Variants in PLCH1 observed in about 807,000 individuals in gnomAD.
The protein encoded by PLCH1 is phospholipase C eta 1.
Under a neutral mutation model 126.7 loss-of-function variants are expected in PLCH1, and 60 were observed. That is an observed-to-expected ratio of 0.47 (90% CI 0.38 to 0.59). PLCH1 has a LOEUF of 0.59. Ranked by LOEUF, PLCH1 falls within the 20% of genes least tolerant of loss-of-function variation. PLCH1 has a pLI of 0.00. For synonymous variants in PLCH1, 719 were observed against 734.9 expected (o/e 0.98, Z 0.35); for missense variants, 1,723 against 2,040.0 (o/e 0.84, Z 2.99).
intron 22 of PLCH1, among the ~76,000 whole-genome samples, chr3:155,483,842 G>A (rs953166439): frequency 3.9e-5 from 6 of 152,118 alleles, no homozygotes; most frequent in Admixed American, 1.3e-4. Context: ...TGCTAGGAGA[G>A]TATGAGGTAT....
chr3:155,482,850 G>A lies in PLCH1; in HGVS notation c.3176C>T (p.Thr1059Ile), dbSNP rs1642116861. The change falls in exon 23 of 23, where the codon ACA (threonine) becomes ATA (isoleucine). Residue 1059 changes from threonine (T) to isoleucine (I), a missense_variant. Transcript: ENST00000460012. ...GMSSPRGGRTTSNATSNCQEN... is the reference protein window; with the variant it reads ...GMSSPRGGRTISNATSNCQEN... ...CTGGCAATTGCTTGTGGCATTTGAT[G>A]TGGTTCTCCCACCCCTAGGACTTGA... 6.2e-7 allele frequency: 1 copy of A among 1,614,044 alleles called. No homozygotes were observed. Among genetic ancestry groups the A allele is most frequent in the Non-Finnish European group, 8.5e-7 (1 of 1,180,038 alleles).
intron 21 of PLCH1, among the ~76,000 whole-genome samples, chr3:155,473,457 T>C (rs1484500167): frequency 4.0e-5 from 6 of 151,880 alleles, no homozygotes; most frequent in African/African-American, 1.5e-4. Flanking sequence ...CATTCCATGC[T>C]CATGGGTAGG....
Position 155,479,960 on chromosome 3 carries a change from A to C in PLCH1, c.*1008T>G, listed in dbSNP as rs1217214239. On this transcript the variant is annotated 3_prime_UTR_variant, in exon 23 of 23. Transcript: ENST00000460012. Reference sequence around the variant, plus strand: ...GCAGTTAATGTTACAAAAAAAAAAAACAAAGAGGGACATCTGAACATGCAA... The same window carrying C: ...GCAGTTAATGTTACAAAAAAAAAAACCAAAGAGGGACATCTGAACATGCAA... 6.6e-6 allele frequency: 1 copy of C among 152,396 alleles called. No individual in the cohort carries two copies. The highest frequency in any genetic ancestry group is 1.5e-5 in the Non-Finnish European group (1 of 67,988). The allele number at this position is 152,396 out of a possible 1,614,324, so 9.4% of individuals were successfully genotyped here.
intron 10 of PLCH1, among the ~76,000 whole-genome samples, chr3:155,538,766 CCAA>C (rs939693221): frequency 6.6e-6 from 1 of 151,758 alleles, no homozygotes; most frequent in African/African-American, 2.4e-5. Context: ...AAAAAAATTG[CCAA>C]CAACAACAAA....
At chr3:155,709,326 G>A (rs1746919379) in intron 1 of PLCH1, among the ~76,000 whole-genome samples, 2 of 152,206 alleles carry the variant, frequency 1.3e-5, no homozygotes, top group Non-Finnish European at 2.9e-5. Flanking sequence ...TGTGTGGTAA[G>A]AGTATGTTTA....
chr3:155,492,673 T>G (rs1186638340), intron 18 of PLCH1, 56 bp downstream of exon 18: 2 of 1,440,334 alleles, frequency 1.4e-6, no homozygotes, highest in Non-Finnish European at 1.8e-6. Context: ...AAAATGTAAA[T>G]GCACTAAGAT....
At chr3:155,543,667 C>G (rs1724744700) in intron 10 of PLCH1, among the ~76,000 whole-genome samples, 1 of 151,978 alleles carries the variant, frequency 6.6e-6, no homozygotes, top group Admixed American at 6.5e-5. Flanking sequence ...AAAGGGAAGC[C>G]CATCAGACTA....
intron 21 of PLCH1, among the ~76,000 whole-genome samples, chr3:155,468,338 A>C (rs762063313): frequency 6.6e-6 from 1 of 152,206 alleles, no homozygotes; most frequent in Non-Finnish European, 1.5e-5. Flanking sequence ...AAGGAAAGAA[A>C]GTAGGAAGAG....
intron 2 of PLCH1, among the ~76,000 whole-genome samples, chr3:155,617,278 G>A (rs79485405): frequency 0.018 from 2,815 of 152,166 alleles, 96 homozygotes; most frequent in African/African-American, 0.066. Flanking sequence ...AGGCACTCTT[G>A]AATGCAGGCC....
intron 14 of PLCH1, among the ~76,000 whole-genome samples, chr3:155,498,758 T>C (rs1717452860): frequency 6.6e-6 from 1 of 152,218 alleles, no homozygotes; most frequent in Non-Finnish European, 1.5e-5. Flanking sequence ...TTCATTACTT[T>C]ATCTAGTGCT....
chr3:155,605,814 T>C (rs1020482326), intron 2 of PLCH1, among the ~76,000 whole-genome samples: 4 of 152,242 alleles, frequency 2.6e-5, no homozygotes, highest in African/African-American at 9.6e-5. Flanking sequence ...ACTTCCTGTG[T>C]TGAATTTTCC....
chr3:155,645,539 C>T (rs1036352093), intron 2 of PLCH1, among the ~76,000 whole-genome samples: 10 of 152,164 alleles, frequency 6.6e-5, no homozygotes, highest in South Asian at 2.1e-4. Flanking sequence ...TGCAGTGGCA[C>T]GATCACAGCT....
intron 2 of PLCH1, among the ~76,000 whole-genome samples, chr3:155,618,222 G>A (rs1184008407): frequency 2.6e-5 from 4 of 151,908 alleles, no homozygotes; most frequent in African/African-American, 4.8e-5. Flanking sequence ...TCGTTTTTGA[G>A]GTTTTTTTTA....
intron 11 of PLCH1, among the ~76,000 whole-genome samples, chr3:155,519,609 C>T (rs1027336640): frequency 1.3e-5 from 2 of 151,766 alleles, no homozygotes; most frequent in African/African-American, 4.8e-5. Context: ...TTGCAATCAC[C>T]AGCAGAGTGC....
chr3:155,548,336 A>G (rs1316796807), intron 10 of PLCH1, among the ~76,000 whole-genome samples: 1 of 152,226 alleles, frequency 6.6e-6, no homozygotes, highest in East Asian at 1.9e-4. Flanking sequence ...CAACATTACT[A>G]CTAGCAAATG....
At position 155,482,911 on chromosome 3, in the gene PLCH1, C is replaced by T; in HGVS notation, c.3115G>A (p.Ala1039Thr). Reference protein sequence around the residue: ...TSQGDTIVSTAHMSVTGEQLG... With the variant: ...TSQGDTIVSTTHMSVTGEQLG... ...TGTTCTCCTGTGACTGACATGTGGG[C>T]AGTAGATACAATGGTGTCCCCTTGG... The change falls in exon 23 of 23, where the codon GCC becomes ACC. Residue 1039 changes from alanine to threonine, a missense_variant. By Grantham distance (58) the Ala-to-Thr change is moderately conservative. This residue lies in a region of PLCH1 where 947 missense variants were observed against 977.1 expected (regional missense o/e 0.97). Coordinates refer to ENST00000460012, the MANE Select transcript of PLCH1 (RefSeq NM_014996.4). 6.2e-7 allele frequency: 1 copy of T among 1,614,154 alleles called. No homozygotes were observed. Among genetic ancestry groups the T allele is most frequent in the Non-Finnish European group, 8.5e-7 (1 of 1,180,032 alleles).
chr3:155,622,543 G>T (rs372872687), intron 2 of PLCH1, among the ~76,000 whole-genome samples: 17 of 151,704 alleles, frequency 1.1e-4, no homozygotes, highest in African/African-American at 4.1e-4. Context: ...ACACACATAG[G>T]CTCAAAATAA....
chr3:155,456,388 T>C (rs1007342784), intron 21 of PLCH1, among the ~76,000 whole-genome samples: 4 of 152,040 alleles, frequency 2.6e-5, no homozygotes, highest in Non-Finnish European at 5.9e-5. Flanking sequence ...CAAATTTGTG[T>C]TGGGCCACAT....
In PLCH1 at chr3:155,488,709, T is replaced by A. The variant is rs1301678831; in HGVS notation, c.2490A>T (p.Gly830=). The A allele has an allele frequency of 6.2e-7, 1 of 1,614,102 alleles. No individual in the cohort carries two copies. The highest frequency in any genetic ancestry group is 1.7e-5 in the Admixed American group (1 of 60,014). Residue 830 remains glycine, a synonymous_variant, in exon 20 of 23, where the codon GGA becomes GGT. Coordinates refer to ENST00000460012, the MANE Select transcript of PLCH1 (RefSeq NM_014996.4). ...RFLVWDHDPI[G]RDFVGQRTVT... is the part of the protein sequence containing the mutation. ...CAGTTCTTTGTCCAACAAAGTCTCG[T>A]CCAATGGGATCGTGATCCCACACAA...
Sources: gnomAD v4.1 joint callset for allele counts (sites outside exome capture counted in the v4.1 genomes callset) on GRCh38, gnomAD v4.1.1 for gene constraint, gnomAD v4.1.1 regional missense constraint, MANE v1.5 for transcripts, NCBI Gene and HGNC (gene_info 2026-07-23, HGNC 2026-07-21) for gene names.